The following PECAM1 variants were observed in gnomAD, a reference collection of about 807,000 sequenced individuals.
PECAM1 encodes the protein platelet endothelial cell adhesion molecule.
A neutral mutation model predicts 13.8 loss-of-function variants in PECAM1; 8 were observed. The observed-to-expected ratio is 0.58, with a 90% CI of 0.34 to 1.05. The LOEUF is 1.05. Ranked by LOEUF, PECAM1 falls within the 50% of genes least tolerant of loss-of-function variation. The pLI, the probability that PECAM1 is intolerant of heterozygous loss-of-function variation, is 0.03. For missense variants in PECAM1, 304 were observed against 141.2 expected, an observed-to-expected ratio of 2.15 and a Z score of -5.84; for synonymous variants, 136 against 52.6, an observed-to-expected ratio of 2.58 and a Z score of -6.86.
rs2035747538 is a variant in PECAM1, at chr17:64,352,451, T to C, written c.1929A>G (p.Pro643=). The change falls in exon 11 of 16, where the codon CCA becomes CCG. Residue 643 remains proline, a synonymous_variant. Transcript: ENST00000563924. ...MPVEMSRPAV[P]LLNSNNEKMS... ...TTTTCTCGTTGTTGGAGTTCAGAAG[T>C]GGTACTGCTGGCCTTAAAATGAAAT... 1 of 475,142 alleles carries C rather than the reference T, an allele frequency of 2.1e-6. No individual in the cohort carries two copies. The highest frequency in any genetic ancestry group is 3.9e-6 in the Non-Finnish European group (1 of 258,976). 29.4% of individuals were successfully genotyped at this position (475,142 alleles called of 1,614,324 possible). A position where few individuals can be genotyped will look rare whatever the true frequency, so the allele number is the denominator to read the frequency against.
intron 14 of PECAM1, among the ~76,000 whole-genome samples, chr17:64,331,605 A>G (rs1396776617): frequency 6.6e-6 from 1 of 152,254 alleles, no homozygotes; most frequent in African/African-American, 2.4e-5. Context: ...AAAGCCAATG[A>G]GAGCAGGAAG....
intron 2 of PECAM1, among the ~76,000 whole-genome samples, chr17:64,385,258 A>G: frequency 6.6e-6 from 1 of 152,202 alleles, no homozygotes; most frequent in East Asian, 1.9e-4. Flanking sequence ...ACAGCCAGTG[A>G]CCACAGTGCC....
At position 64,369,949 on chromosome 17, in the gene PECAM1, G is replaced by A. The variant is rs1234146753; in HGVS notation, c.768C>T (p.Cys256=). The change falls in exon 5 of 16, where the codon TGC becomes TGT. Residue 256 remains cysteine, a synonymous_variant. Transcript: ENST00000563924. The stretch of plus-strand genomic sequence containing the variant: ...GGGCCAGGTGAGTCACTTGAATGGT[G>A]CACTTAATGTGGAGCTGAGCTCCTT... ...IMEGAQLHIK[C]TIQVTHLAQE... is the part of the protein sequence containing the mutation. 2.5e-6 allele frequency: 1 copy of A among 398,618 alleles called. No homozygotes were observed. Among genetic ancestry groups the A allele is most frequent in the Non-Finnish European group, 4.4e-6 (1 of 226,096 alleles). 24.7% of individuals were successfully genotyped at this position (398,618 alleles called of 1,614,324 possible). A position where few individuals can be genotyped will look rare whatever the true frequency, so the allele number is the denominator to read the frequency against.
chr17:64,375,192 G>A lies in PECAM1; in HGVS notation c.550C>T (p.Arg184Ter). 1 of 475,360 alleles carries A rather than the reference G, an allele frequency of 2.1e-6. No homozygotes were observed. Among genetic ancestry groups the A allele is most frequent in the Non-Finnish European group, 3.9e-6 (1 of 259,050 alleles). The allele number at this position is 475,360 out of a possible 1,614,324, so 29.4% of individuals were successfully genotyped here. The change falls in exon 4 of 16, where the codon CGA (arginine) becomes TGA (stop). Residue 184 changes from arginine (R) to a stop codon, truncating the protein, a stop_gained. Coordinates refer to ENST00000563924, the MANE Select transcript of PECAM1 (RefSeq NM_000442.5). LOFTEE classifies it high-confidence loss of function. ...MVKLKREKNS[R>*]DQNFVILEFP... ...TCCAGTATCACAAAATTCTGGTCTC[G>A]AGAATTCTTCTCTCTTTTCAGCTTG... is the stretch of plus-strand genomic sequence containing the variant.
intron 11 of PECAM1, 150 bp from the exon 12 acceptor site, chr17:64,350,583 T>C (rs1176332037): frequency 4.2e-5 from 17 of 403,056 alleles, no homozygotes; most frequent in African/African-American, 2.1e-5. Context: ...GTCCCCTCGT[T>C]GGCCCTCCTG....
chr17:64,361,176 T>C (rs1273232182), intron 6 of PECAM1, among the ~76,000 whole-genome samples: 32 of 139,998 alleles, frequency 2.3e-4, no homozygotes, highest in Admixed American at 1.7e-3. Context: ...GACCGAGTCT[T>C]GCTCTGTCAC....
intron 5 of PECAM1, among the ~76,000 whole-genome samples, chr17:64,367,109 C>A (rs1238404062): frequency 6.6e-6 from 1 of 151,848 alleles, no homozygotes; most frequent in Non-Finnish European, 1.5e-5. Context: ...CTCATTTCAC[C>A]CCACAAGTAT....
At chr17:64,369,006 A>G (rs2036177340) in intron 5 of PECAM1, among the ~76,000 whole-genome samples, 2 of 119,308 alleles carry the variant, frequency 1.7e-5, no homozygotes, top group Admixed American at 2.5e-4. Context: ...GCGCAATCTC[A>G]GCTCACCGCA....
intron 7 of PECAM1, among the ~76,000 whole-genome samples, chr17:64,359,400 G>A (rs965220785): frequency 4.6e-5 from 7 of 152,140 alleles, no homozygotes; most frequent in Non-Finnish European, 8.8e-5. Context: ...CCAGGCAAAT[G>A]TTAGTAACTG....
intron 5 of PECAM1, among the ~76,000 whole-genome samples, chr17:64,368,936 T>TC (rs1175263481): frequency 9.4e-6 from 1 of 106,364 alleles, no homozygotes; most frequent in African/African-American, 3.5e-5. Flanking sequence ...CATTTCTTTT[T>TC]TTTTTTTTTT....
Position 64,360,814 on chromosome 17 carries a change from A to ATGTGTGTG in PECAM1, c.1217-407_1217-400dup, listed in dbSNP as rs144008571. Among the ~76,000 whole-genome samples, 993 of 141,392 alleles carry ATGTGTGTG rather than the reference A, an allele frequency of 7.0e-3. 4 individuals are homozygous for ATGTGTGTG. Among genetic ancestry groups the ATGTGTGTG allele is most frequent in the South Asian group, 0.02 (88 of 4,366 alleles). The allele number at this position is 141,392 out of a possible 152,430, so 92.8% of individuals were successfully genotyped here. ...AAAAGTACAACAAGTAGCCAACAAAATGTGTGTGTGTGTGTGTGTGTGTGT... is the reference window on the plus strand; with the variant it reads ...AAAAGTACAACAAGTAGCCAACAAAATGTGTGTGTGTGTGTGTGTGTGTGTGTGTGTGT... On this transcript the variant is annotated intron_variant, in intron 6 of 15. Coordinates refer to ENST00000563924, the MANE Select transcript of PECAM1 (RefSeq NM_000442.5).
At chr17:64,373,144 T>A (rs1219132900) in intron 4 of PECAM1, among the ~76,000 whole-genome samples, 4 of 149,476 alleles carry the variant, frequency 2.7e-5, no homozygotes, top group South Asian at 2.1e-4. Context: ...AATAAATAAA[T>A]AAAAAAAAAA....
intron 14 of PECAM1, among the ~76,000 whole-genome samples, chr17:64,334,642 G>A (rs1284387870): frequency 5.3e-5 from 8 of 152,000 alleles, no homozygotes; most frequent in African/African-American, 1.9e-4. Context: ...CCATGTAGCT[G>A]GACTACAGGC....
At chr17:64,360,110 A>G in intron 7 of PECAM1, 30 bp downstream of exon 7, 1 of 475,330 alleles carries the variant, frequency 2.1e-6, no homozygotes, top group Non-Finnish European at 3.9e-6. Flanking sequence ...CCAAGCCCAC[A>G]TGATTTCTTC....
At chr17:64,357,946 C>G (rs1338326398) in intron 7 of PECAM1, among the ~76,000 whole-genome samples, 2 of 152,078 alleles carry the variant, frequency 1.3e-5, no homozygotes, top group Admixed American at 1.3e-4. Context: ...CCTGTCCTTC[C>G]TTCCATCTTC....
chr17:64,348,500 C>T (rs1268917834), intron 12 of PECAM1, among the ~76,000 whole-genome samples, 178 bp from the exon 13 acceptor site: 1 of 151,668 alleles, frequency 6.6e-6, no homozygotes, highest in Non-Finnish European at 1.5e-5. Context: ...CTCCACCTCC[C>T]GGGTTCAAGT....
intron 15 of PECAM1, among the ~76,000 whole-genome samples, chr17:64,326,324 G>A (rs1555645688): frequency 1.3e-5 from 2 of 152,234 alleles, no homozygotes; most frequent in East Asian, 1.9e-4. Flanking sequence ...CAGCCTGGCT[G>A]GCTTCCTGAG....
At chr17:64,359,335 G>A (rs1014991472) in intron 7 of PECAM1, among the ~76,000 whole-genome samples, 2 of 152,102 alleles carry the variant, frequency 1.3e-5, no homozygotes, top group Non-Finnish European at 2.9e-5. Flanking sequence ...GAGGCTTAAG[G>A]GAAACTGTCC....
chr17:64,331,400 G>A (rs2035114888), intron 14 of PECAM1, among the ~76,000 whole-genome samples: 1 of 152,204 alleles, frequency 6.6e-6, no homozygotes, highest in East Asian at 1.9e-4. Flanking sequence ...TGGCCAGGCT[G>A]GTCTCAAACT....
Sources: gnomAD v4.1 joint callset for allele counts (sites outside exome capture counted in the v4.1 genomes callset) on GRCh38, gnomAD v4.1.1 for gene constraint, MANE v1.5 for transcripts, NCBI Gene and HGNC (gene_info 2026-07-23, HGNC 2026-07-21) for gene names.